The following IL1RAPL2 variants were observed in gnomAD, a reference collection of about 807,000 sequenced individuals.
IL1RAPL2 encodes interleukin 1 receptor accessory protein like 2, also known as X-linked interleukin-1 receptor accessory protein-like 2.
In IL1RAPL2, 3 loss-of-function variants were observed where a neutral mutation model predicts 44.1. That is an observed-to-expected ratio of 0.07 (90% CI 0.03 to 0.18). The LOEUF is 0.18. Among genes scored for constraint, IL1RAPL2 ranks in the 10% least tolerant of loss-of-function variants. The pLI is 1.00. For synonymous variants in IL1RAPL2, 181 were observed against 178.8 expected, an observed-to-expected ratio of 1.01 and a Z score of -0.10; for missense variants, 391 against 496.4, an observed-to-expected ratio of 0.79 and a Z score of 2.02.
intron 2 of IL1RAPL2, among the ~76,000 whole-genome samples, chrX:104,852,427 G>A (rs1032237102): frequency 1.8e-5 from 2 of 111,715 alleles, no homozygotes; most frequent in Non-Finnish European, 3.8e-5. Context: ...CGAGGTTTTG[G>A]TTTTTGCAGT....
chrX:104,815,907 T>G (rs1214722120), intron 2 of IL1RAPL2, among the ~76,000 whole-genome samples: 1 of 109,299 alleles, frequency 9.1e-6, no homozygotes, highest in African/African-American at 3.3e-5. Flanking sequence ...TTTTTGATAA[T>G]TTAATAAAAT....
At chrX:105,194,807 T>C (rs1211487628) in intron 2 of IL1RAPL2, among the ~76,000 whole-genome samples, 1 of 111,873 alleles carries the variant, frequency 8.9e-6, no homozygotes, top group Non-Finnish European at 1.9e-5. Flanking sequence ...AATAGCACAA[T>C]TGTTATTGTC....
intron 5 of IL1RAPL2, among the ~76,000 whole-genome samples, chrX:105,395,820 G>A (rs2082534809): frequency 8.9e-6 from 1 of 111,759 alleles, no homozygotes; most frequent in South Asian, 3.7e-4. Flanking sequence ...GCTAGGTTCT[G>A]CTAAGTATGC....
chrX:105,084,628 C>T (rs972214081), intron 2 of IL1RAPL2, among the ~76,000 whole-genome samples: 1 of 112,493 alleles, frequency 8.9e-6, no homozygotes, highest in Non-Finnish European at 1.9e-5. Flanking sequence ...TTTGCAGCCT[C>T]ATAGGCAGAG....
intron 2 of IL1RAPL2, among the ~76,000 whole-genome samples, chrX:104,793,966 T>C (rs746336502): frequency 8.9e-6 from 1 of 111,795 alleles, no homozygotes; most frequent in African/African-American, 3.3e-5. Flanking sequence ...CTGAAAAATA[T>C]TTCAGGGACT....
At chrX:105,618,057 T>C (rs1229179246) in intron 6 of IL1RAPL2, among the ~76,000 whole-genome samples, 1 of 110,455 alleles carries the variant, frequency 9.1e-6, no homozygotes, top group Non-Finnish European at 1.9e-5. Flanking sequence ...TTAATGTATG[T>C]GTCCATTTTA....
intron 1 of IL1RAPL2, among the ~76,000 whole-genome samples, chrX:104,590,317 T>G (rs1447925657): frequency 8.9e-6 from 1 of 112,037 alleles, no homozygotes; most frequent in Admixed American, 9.4e-5. Flanking sequence ...AATGCTGGGA[T>G]TACAGGTATG....
intron 6 of IL1RAPL2, among the ~76,000 whole-genome samples, chrX:105,513,936 T>G (rs369319672): frequency 3.6e-5 from 4 of 111,363 alleles, no homozygotes; most frequent in Non-Finnish European, 5.7e-5. Context: ...CATCTTGAGT[T>G]GATTTTCGTA....
intron 5 of IL1RAPL2, among the ~76,000 whole-genome samples, chrX:105,453,506 T>C (rs767813414): frequency 1.4e-4 from 16 of 111,757 alleles, no homozygotes; most frequent in Non-Finnish European, 2.6e-4. Flanking sequence ...TCACATGGTA[T>C]ACCCAAAATT....
At chrX:105,358,254 T>C (rs1157280105) in intron 5 of IL1RAPL2, among the ~76,000 whole-genome samples, 1 of 109,841 alleles carries the variant, frequency 9.1e-6, no homozygotes, top group Non-Finnish European at 1.9e-5. Flanking sequence ...ACCTTATATG[T>C]TTTTTTTCCT....
At chrX:105,510,892 A>T (rs111999408) in intron 6 of IL1RAPL2, among the ~76,000 whole-genome samples, 30 of 111,869 alleles carry the variant, frequency 2.7e-4, no homozygotes, top group Admixed American at 9.5e-5. Flanking sequence ...GAAACAATAA[A>T]CTTGTGTTGT....
At chrX:104,743,290 T>C (rs904346940) in intron 2 of IL1RAPL2, among the ~76,000 whole-genome samples, 3 of 106,015 alleles carry the variant, frequency 2.8e-5, no homozygotes, top group African/African-American at 1.1e-4. Context: ...TCAGACCTTT[T>C]TTCTGCCTTT....
intron 3 of IL1RAPL2, among the ~76,000 whole-genome samples, chrX:105,229,036 G>T (rs1303043507): frequency 8.9e-6 from 1 of 111,960 alleles, no homozygotes; most frequent in Non-Finnish European, 1.9e-5. Flanking sequence ...GCCTGAATGT[G>T]TTCCTTGTCT....
At chrX:104,961,755 G>A in intron 2 of IL1RAPL2, among the ~76,000 whole-genome samples, 1 of 111,979 alleles carries the variant, frequency 8.9e-6, no homozygotes, top group Admixed American at 9.5e-5. Flanking sequence ...CAGCAGCCTA[G>A]TCTGTCTTAT....
rs1003882544 is a variant in IL1RAPL2 at position 104,736,562 on chromosome X, C to T, written c.82+77567C>T. ...GTATATCCACCATGAAGTCATTTTA[C>T]AGTTCTATGCTTCTATCTGCATTTC... On this transcript the variant is annotated intron_variant, in intron 2 of 10. Coordinates refer to ENST00000372582, the MANE Select transcript of IL1RAPL2 (RefSeq NM_017416.2). Among the ~76,000 whole-genome samples the T allele has an allele frequency of 6.2e-5, 7 of 112,221 alleles. No individual in the cohort carries two copies. In the East Asian group the frequency reaches 1.4e-3, roughly 23 times the overall value.
chrX:104,574,801 ACAATT>A (rs2147989815), intron 1 of IL1RAPL2, among the ~76,000 whole-genome samples: 1 of 112,236 alleles, frequency 8.9e-6, no homozygotes, highest in East Asian at 2.8e-4. Flanking sequence ...ACAAAGAAAC[ACAATT>A]CAATTTTTTC....
At chrX:104,581,100 C>CAACA (rs1376221907) in intron 1 of IL1RAPL2, among the ~76,000 whole-genome samples, 1 of 112,341 alleles carries the variant, frequency 8.9e-6, no homozygotes, top group Non-Finnish European at 1.9e-5. Flanking sequence ...TAAATATAAC[C>CAACA]AACAACTTGC....
At chrX:104,816,022 A>G (rs776745462) in intron 2 of IL1RAPL2, among the ~76,000 whole-genome samples, 19 of 111,502 alleles carry the variant, frequency 1.7e-4, no homozygotes, top group Non-Finnish European at 3.4e-4. Flanking sequence ...AAGTTTAAAG[A>G]TAATATTTTT....
intron 2 of IL1RAPL2, among the ~76,000 whole-genome samples, chrX:104,741,088 A>T (rs1323641660): frequency 9.0e-6 from 1 of 111,499 alleles, no homozygotes; most frequent in East Asian, 2.8e-4. Flanking sequence ...ACCTCTCTTT[A>T]AGAGAGCCAT....
Sources: allele counts gnomAD v4.1 joint callset (sites outside exome capture counted in the v4.1 genomes callset), GRCh38; gene constraint gnomAD v4.1.1; transcripts MANE v1.5; gene names NCBI Gene and HGNC (gene_info 2026-07-23, HGNC 2026-07-21).